HERC3: variants seen among roughly 807,000 people sequenced by gnomAD.
HERC3 encodes the protein HECT and RLD domain containing E3 ubiquitin protein ligase 3.
Under a neutral mutation model 129.9 loss-of-function variants are expected in HERC3, and 58 were observed. The ratio of observed to expected loss-of-function variants is 0.45; its 90% confidence interval spans 0.36 to 0.56. The LOEUF (loss-of-function observed/expected upper bound fraction) is 0.56, where lower values mean the gene tolerates loss of function less well. Ranked by LOEUF, HERC3 falls within the 20% of genes least tolerant of loss-of-function variation. The pLI is 0.00. For synonymous variants in HERC3, 430 were observed against 451.0 expected (o/e 0.95, Z 0.59); for missense variants, 835 against 1,244.2 (o/e 0.67, Z 4.95).
chr4:88,580,352 C>T, the HERC3 span, among the ~76,000 whole-genome samples: 1 of 151,978 alleles, frequency 6.6e-6, no homozygotes, highest in Non-Finnish European at 1.5e-5. Flanking sequence ...GGATGAAACC[C>T]TGTTTCTACT....
At chr4:88,577,883 A>C in the HERC3 span, among the ~76,000 whole-genome samples, 1 of 152,268 alleles carries the variant, frequency 6.6e-6, no homozygotes, top group South Asian at 2.1e-4. Context: ...TAGAGCTTCA[A>C]ATGACTTTAG....
At chr4:88,687,330 C>G (rs1269101241) in intron 23 of HERC3, 31 bp downstream of exon 23, 7 of 1,378,076 alleles carry the variant, frequency 5.1e-6, no homozygotes, top group Non-Finnish European at 7.1e-6. Flanking sequence ...GTTGCAGATA[C>G]TGCTACTTCA....
chr4:88,636,665 C>T (rs1453998497), intron 3 of HERC3, among the ~76,000 whole-genome samples: 11 of 152,154 alleles, frequency 7.2e-5, no homozygotes, highest in Admixed American at 7.2e-4. Flanking sequence ...ACAGAGCTCT[C>T]CACCCCAAAA....
chr4:88,547,097 G>T, the HERC3 span, among the ~76,000 whole-genome samples: 1 of 151,870 alleles, frequency 6.6e-6, no homozygotes, highest in Non-Finnish European at 1.5e-5. Flanking sequence ...ATAATATAAT[G>T]CAATGTTTAA....
chr4:88,693,398 C>T (rs1230166386), intron 23 of HERC3: 1 of 972,550 alleles, frequency 1.0e-6, no homozygotes, highest in Non-Finnish European at 1.2e-6. Flanking sequence ...GTCATTATCA[C>T]CATTTCATCC....
chr4:88,557,180 C>T, the HERC3 span, among the ~76,000 whole-genome samples: 5 of 152,126 alleles, frequency 3.3e-5, no homozygotes, highest in South Asian at 2.1e-4. Context: ...GCAACCATAG[C>T]GCCTGATTAT....
At chr4:88,693,460 C>T in intron 23 of HERC3, 1 of 971,174 alleles carries the variant, frequency 1.0e-6, no homozygotes, top group Non-Finnish European at 1.2e-6. Context: ...GCATTTCTTT[C>T]ACACATAGGC....
intron 3 of HERC3, among the ~76,000 whole-genome samples, chr4:88,621,794 G>A (rs1725548531): frequency 1.3e-5 from 2 of 152,200 alleles, no homozygotes; most frequent in Non-Finnish European, 2.9e-5. Flanking sequence ...ACATCCTACA[G>A]TGTGTTAATT....
At chr4:88,705,911 C>T (rs1235221013) in intron 25 of HERC3, among the ~76,000 whole-genome samples, 1 of 152,216 alleles carries the variant, frequency 6.6e-6, no homozygotes, top group Non-Finnish European at 1.5e-5. Flanking sequence ...GGGACCACTT[C>T]TCCTCTGCCT....
At chr4:88,532,937 G>A in the HERC3 span, among the ~76,000 whole-genome samples, 1 of 152,182 alleles carries the variant, frequency 6.6e-6, no homozygotes, top group Non-Finnish European at 1.5e-5. Context: ...ATGAATATAC[G>A]AAACGGACTT....
intron 23 of HERC3, among the ~76,000 whole-genome samples, chr4:88,695,486 T>C (rs1734511418): frequency 6.6e-6 from 1 of 152,158 alleles, no homozygotes; most frequent in South Asian, 2.1e-4. Flanking sequence ...AAACCTGATA[T>C]TATATTGAGG....
At chr4:88,539,213 G>A in the HERC3 span, among the ~76,000 whole-genome samples, 13 of 152,104 alleles carry the variant, frequency 8.5e-5, no homozygotes, top group East Asian at 7.7e-4. Context: ...GTACACTCTC[G>A]CCCAAATACT....
At chr4:88,612,327 G>GTGTGT (rs1560675020) in intron 3 of HERC3, among the ~76,000 whole-genome samples, 9 of 149,582 alleles carry the variant, frequency 6.0e-5, no homozygotes, top group Non-Finnish European at 8.9e-5. Context: ...GTGTGTGTGT[G>GTGTGT]GTAAGAAGGA....
At chr4:88,668,143 T>A in intron 14 of HERC3, 62 bp downstream of exon 14, 1 of 1,247,788 alleles carries the variant, frequency 8.0e-7, no homozygotes, top group Non-Finnish European at 1.2e-6. Context: ...GTGTGACTCC[T>A]GGCTCTCAGT....
rs573907571 is a variant in HERC3, at chr4:88,676,329, T to G, written c.1936-5T>G. On this transcript the variant is annotated splice_polypyrimidine_tract_variant and splice_region_variant and intron_variant, in intron 17 of 25. Transcript: ENST00000402738. ...TAATACTGTCAATAATGTGCTTTATTCTAGGATACTGTAACACTTTGTTCC... is the reference window on the plus strand; with the variant it reads ...TAATACTGTCAATAATGTGCTTTATGCTAGGATACTGTAACACTTTGTTCC... The G allele has an allele frequency of 5.0e-6, 8 of 1,607,382 alleles. No individual in the cohort carries two copies. In the South Asian group the frequency reaches 8.8e-5, roughly 18 times the overall value.
upstream of HERC3, among the ~76,000 whole-genome samples, chr4:88,592,191 C>T (rs1225403512): frequency 6.6e-6 from 1 of 152,256 alleles, no homozygotes; most frequent in Non-Finnish European, 1.5e-5. Context: ...GAAAAGCAAT[C>T]TTATTTCAGC....
At chr4:88,551,706 C>T in the HERC3 span, among the ~76,000 whole-genome samples, 1 of 152,172 alleles carries the variant, frequency 6.6e-6, no homozygotes, top group African/African-American at 2.4e-5. Context: ...CTAGTTCAAC[C>T]CTTGTGGAAG....
Position 88,707,093 on chromosome 4 carries a change from T to C in HERC3, c.*133T>C. The C allele has an allele frequency of 1.4e-6, 1 of 711,920 alleles. No individual in the cohort carries two copies. Among genetic ancestry groups the C allele is most frequent in the Non-Finnish European group, 2.4e-6 (1 of 422,546 alleles). 44.1% of individuals were successfully genotyped at this position (711,920 alleles called of 1,614,324 possible). A position where few individuals can be genotyped will look rare whatever the true frequency, so the allele number is the denominator to read the frequency against. ...TGGGACTTTTAAATACTGAGCCTGGTTGATGTGTTTCTGGGATTGTATAGC... is the reference window on the plus strand; with the variant it reads ...TGGGACTTTTAAATACTGAGCCTGGCTGATGTGTTTCTGGGATTGTATAGC... On this transcript the variant is annotated 3_prime_UTR_variant, in exon 26 of 26. Coordinates refer to ENST00000402738, the MANE Select transcript of HERC3 (RefSeq NM_014606.3).
chr4:88,661,280 G>A (rs1730465222), intron 10 of HERC3, among the ~76,000 whole-genome samples: 1 of 152,128 alleles, frequency 6.6e-6, no homozygotes, highest in African/African-American at 2.4e-5. Flanking sequence ...GATGATTTTT[G>A]TTCTCTCAAT....
Sources: gnomAD v4.1 joint callset for allele counts (sites outside exome capture counted in the v4.1 genomes callset) on GRCh38, gnomAD v4.1.1 for gene constraint, MANE v1.5 for transcripts, NCBI Gene and HGNC (gene_info 2026-07-23, HGNC 2026-07-21) for gene names.